Variants in DDR2 observed in about 807,000 individuals in gnomAD.
The protein encoded by DDR2 is discoidin domain-containing receptor 2.
DDR2 carries 27 observed loss-of-function variants against 94.9 expected under a neutral mutation model. The ratio of observed to expected loss-of-function variants is 0.28; its 90% CI spans 0.21 to 0.39. The LOEUF (loss-of-function observed/expected upper bound fraction) is 0.39. Ranked by LOEUF, DDR2 falls within the 10% of genes least tolerant of loss-of-function variation. The probability of loss-of-function intolerance (pLI) is 1.00; values close to 1 mark genes in which losing one functional copy is unlikely to be tolerated. For missense variants in DDR2, 783 were observed against 1,076.0 expected (o/e 0.73, Z 3.81); for synonymous variants, 382 against 377.2 (o/e 1.01, Z -0.15).
At chr1:162,638,437 T>C (rs894094230) in intron 1 of DDR2, among the ~76,000 whole-genome samples, 1 of 152,216 alleles carries the variant, frequency 6.6e-6, no homozygotes, top group Non-Finnish European at 1.5e-5. Flanking sequence ...CAAACTCCCA[T>C]ATCCCCATGG....
At chr1:162,683,037 C>T (rs1338788087) in intron 2 of DDR2, among the ~76,000 whole-genome samples, 4 of 152,126 alleles carry the variant, frequency 2.6e-5, no homozygotes, top group Non-Finnish European at 5.9e-5. Context: ...AAGAATTACA[C>T]ATCATATCAA....
At chr1:162,677,773 A>G (rs1332649622) in intron 2 of DDR2, among the ~76,000 whole-genome samples, 1 of 152,196 alleles carries the variant, frequency 6.6e-6, no homozygotes, top group African/African-American at 2.4e-5. Context: ...CAGTGATTTC[A>G]GGGATCCAGG....
chr1:162,654,329 C>T (rs1657850558), intron 1 of DDR2, among the ~76,000 whole-genome samples: 1 of 151,950 alleles, frequency 6.6e-6, no homozygotes, highest in Non-Finnish European at 1.5e-5. Flanking sequence ...GCCTGTAGTC[C>T]TAGCTACTTA....
chr1:162,649,852 A>G (rs948482639), intron 1 of DDR2, among the ~76,000 whole-genome samples: 9 of 152,226 alleles, frequency 5.9e-5, no homozygotes, highest in East Asian at 3.9e-4. Context: ...CACTTAATCC[A>G]TCTAGTCTCA....
intron 2 of DDR2, among the ~76,000 whole-genome samples, chr1:162,707,197 A>G (rs955019834): frequency 1.3e-5 from 2 of 152,118 alleles, no homozygotes; most frequent in Admixed American, 6.5e-5. Flanking sequence ...CATGCCTAAC[A>G]TCAGAAAAAA....
chr1:162,654,826 G>A (rs960174804), intron 1 of DDR2, among the ~76,000 whole-genome samples: 7 of 152,164 alleles, frequency 4.6e-5, no homozygotes, highest in Non-Finnish European at 8.8e-5. Flanking sequence ...TAATCCAACT[G>A]TGTCTGGTCA....
In DDR2 at chr1:162,770,405, G is replaced by C. The variant is rs1165305470; in HGVS notation, c.1397G>C (p.Gly466Ala). ...CGCTCCTCATCACCTAGTGAACAAG[G>C]GTCCAACTCGACTTACGATCGCATC... ...NNRSSSPSEQGSNSTYDRIFP... is the reference protein window; with the variant it reads ...NNRSSSPSEQASNSTYDRIFP... The change falls in exon 12 of 18, where the codon GGG becomes GCG. Residue 466 changes from glycine (G) to alanine (A), a missense_variant. Gly to Ala is a moderately conservative substitution (Grantham distance 60). Coordinates refer to ENST00000367921, the MANE Select transcript of DDR2 (RefSeq NM_006182.4). 1 of 1,613,784 alleles carries C rather than the reference G, an allele frequency of 6.2e-7. No homozygotes were observed. The highest frequency in any genetic ancestry group is 1.3e-5 in the African/African-American group (1 of 74,838).
chr1:162,723,640 G>A (rs1360695447), intron 3 of DDR2, among the ~76,000 whole-genome samples: 1 of 152,172 alleles, frequency 6.6e-6, no homozygotes, highest in Non-Finnish European at 1.5e-5. Flanking sequence ...AAAAAACACA[G>A]GGGTGCTTGT....
intron 2 of DDR2, among the ~76,000 whole-genome samples, chr1:162,701,805 C>T (rs2101996416): frequency 6.6e-6 from 1 of 152,286 alleles, no homozygotes; most frequent in African/African-American, 2.4e-5. Context: ...TCTGTAACTT[C>T]CTTAGTCATG....
intron 2 of DDR2, among the ~76,000 whole-genome samples, chr1:162,713,805 G>A (rs768655486): frequency 2.6e-5 from 4 of 151,890 alleles, no homozygotes; most frequent in Non-Finnish European, 5.9e-5. Context: ...GCACTTTTTT[G>A]TGCATGCCTC....
intron 2 of DDR2, among the ~76,000 whole-genome samples, chr1:162,688,914 G>A (rs1659823704): frequency 6.6e-6 from 1 of 152,162 alleles, no homozygotes; most frequent in African/African-American, 2.4e-5. Flanking sequence ...CTTGTCAGGG[G>A]GCTCATACCC....
intron 7 of DDR2, among the ~76,000 whole-genome samples, chr1:162,758,539 A>G (rs1309907539): frequency 6.6e-6 from 1 of 152,132 alleles, no homozygotes; most frequent in Non-Finnish European, 1.5e-5. Flanking sequence ...AATGGGAAAT[A>G]TATTTATTGC....
At chr1:162,745,581 T>TC (rs1415830215) in intron 3 of DDR2, among the ~76,000 whole-genome samples, 1 of 149,094 alleles carries the variant, frequency 6.7e-6, no homozygotes, top group East Asian at 1.9e-4. Context: ...TTAATGAGAT[T>TC]TTTTTTTTTG....
Position 162,776,255 on chromosome 1 carries a change from C to G in DDR2, c.2168C>G (p.Thr723Arg), listed in dbSNP as rs1647544674. 6.2e-7 allele frequency: 1 copy of G among 1,613,920 alleles called. No individual in the cohort carries two copies. The highest frequency in any genetic ancestry group is 8.5e-7 in the Non-Finnish European group (1 of 1,179,946). The change falls in exon 16 of 18, where the codon ACA (threonine) becomes AGA (arginine). Residue 723 changes from threonine to arginine, a missense_variant. Thr to Arg is a moderately conservative substitution (Grantham distance 71). This residue lies in a region of DDR2 where 264 missense variants were observed against 428.2 expected (regional missense o/e 0.62). Coordinates refer to ENST00000367921, the MANE Select transcript of DDR2 (RefSeq NM_006182.4). ...TRNCLVGKNY[T>R]IKIADFGMSR... ...AACTGTTTAGTGGGTAAGAACTACA[C>G]AATCAAGATAGCTGACTTTGGAATG...
At chr1:162,647,790 C>T (rs963215224) in intron 1 of DDR2, among the ~76,000 whole-genome samples, 1 of 152,082 alleles carries the variant, frequency 6.6e-6, no homozygotes, top group African/African-American at 2.4e-5. Context: ...TGAGGATGAC[C>T]ACAGGTCACT....
chr1:162,700,725 G>A (rs1660393931), intron 2 of DDR2, among the ~76,000 whole-genome samples: 2 of 152,114 alleles, frequency 1.3e-5, no homozygotes, highest in African/African-American at 4.8e-5. Flanking sequence ...TGGGATTTGG[G>A]GTCACAGCAA....
chr1:162,716,600 T>C (rs991438110), intron 2 of DDR2, among the ~76,000 whole-genome samples: 1 of 152,168 alleles, frequency 6.6e-6, no homozygotes, highest in African/African-American at 2.4e-5. Context: ...CCCTTTGTAG[T>C]TGTAGATCAC....
chr1:162,726,904 A>G lies in DDR2; in HGVS notation c.82+7759A>G, dbSNP rs138627418. ...TATTAATGTTTTGTTCTGAAAGCTG[A>G]CAAGAACTCTAGGGGCTTCAAGCCC... On this transcript the variant is annotated intron_variant, in intron 3 of 17. Coordinates refer to ENST00000367921, the MANE Select transcript of DDR2 (RefSeq NM_006182.4). 4.9e-3 allele frequency among the ~76,000 whole-genome samples: 750 copies of G among 151,698 alleles called. 4 individuals carry two copies. The highest frequency in any genetic ancestry group is 0.017 in the African/African-American group (710 of 41,448).
Position 162,758,949 on chromosome 1 carries a change from C to T in DDR2, c.672-847C>T, listed in dbSNP as rs543842337. The stretch of plus-strand genomic sequence containing the variant: ...CATAAAAAGAAGGAAGGAGCCTCTT[C>T]GTGTTCTCTAAGTAGTCAAATAAGC... On this transcript the variant is annotated intron_variant, in intron 7 of 17. Transcript: ENST00000367921. 1.2e-4 allele frequency among the ~76,000 whole-genome samples: 19 copies of T among 152,220 alleles called. No individual in the cohort carries two copies. In the East Asian group the frequency reaches 2.5e-3, roughly 20 times the overall value.
Sources: allele counts gnomAD v4.1 joint callset (sites outside exome capture counted in the v4.1 genomes callset), GRCh38; gene constraint gnomAD v4.1.1; regional missense constraint gnomAD v4.1.1; transcripts MANE v1.5; gene names NCBI Gene and HGNC (gene_info 2026-07-23, HGNC 2026-07-21).